Variants in VPS13B observed in about 807,000 individuals in gnomAD.
VPS13B encodes intermembrane lipid transfer protein VPS13B.
In VPS13B, 285 loss-of-function variants were observed where a neutral mutation model predicts 426.4. The ratio of observed to expected loss-of-function variants is 0.67; its 90% CI spans 0.61 to 0.74. VPS13B has a LOEUF of 0.74. Among genes scored for constraint, VPS13B ranks in the 30% least tolerant of loss-of-function variants. VPS13B has a pLI of 0.00. For synonymous variants in VPS13B, 1,676 were observed against 1,676.4 expected (o/e 1.00, Z 0.01); for missense variants, 4,537 against 4,782.6 (o/e 0.95, Z 1.51).
intron 17 of VPS13B, among the ~76,000 whole-genome samples, chr8:99,214,415 G>C (rs761412691): frequency 4.6e-5 from 7 of 152,060 alleles, no homozygotes; most frequent in Non-Finnish European, 7.4e-5. Flanking sequence ...CTTTTTATCT[G>C]TAGAGAACTT....
chr8:99,821,346 C>T lies in VPS13B; in HGVS notation c.9047C>T (p.Ser3016Leu). The T allele has an allele frequency of 6.2e-7, 1 of 1,613,742 alleles. No homozygotes were observed. Among genetic ancestry groups the T allele is most frequent in the African/African-American group, 1.3e-5 (1 of 74,998 alleles). ...GCAAATACAAACACTGTGCACAAGT[C>T]AGTAGCAATTAAACTGGTCCATAAC... The part of the protein sequence containing the change: ...YWANTNTVHK[S>L]VAIKLVHNLT... Residue 3016 changes from serine to leucine, a missense_variant, in exon 50 of 62, where the codon TCA (serine) becomes TTA (leucine). By Grantham distance (145) the Ser-to-Leu change is moderately radical. Transcript: ENST00000357162.
intron 19 of VPS13B, among the ~76,000 whole-genome samples, chr8:99,294,395 TG>T (rs1166211743): frequency 2.4e-5 from 2 of 83,344 alleles, no homozygotes; most frequent in Non-Finnish European, 4.6e-5. Flanking sequence ...TGTGGTGGGG[TG>T]GGGGGAGGGG....
intron 35 of VPS13B, among the ~76,000 whole-genome samples, chr8:99,678,783 A>G (rs202050863): frequency 1.3e-5 from 2 of 152,208 alleles, no homozygotes; most frequent in East Asian, 3.9e-4. Context: ...GCATTCCCCA[A>G]CCTACTATTT....
intron 21 of VPS13B, among the ~76,000 whole-genome samples, chr8:99,427,345 T>C (rs777936512): frequency 0.01 from 1,365 of 131,154 alleles, 12 homozygotes; most frequent in Non-Finnish European, 0.016. Context: ...AGTCAGGTAG[T>C]GTGATGCCTC....
At chr8:99,597,835 G>A (rs1164869074) in intron 33 of VPS13B, among the ~76,000 whole-genome samples, 1 of 151,958 alleles carries the variant, frequency 6.6e-6, no homozygotes, top group Non-Finnish European at 1.5e-5. Context: ...CTGATCAGAT[G>A]TTCTTACAGT....
chr8:99,271,240 TAC>T (rs1818587747), intron 17 of VPS13B, among the ~76,000 whole-genome samples: 1 of 142,424 alleles, frequency 7.0e-6, no homozygotes, highest in African/African-American at 2.5e-5. Context: ...CTACTACTAC[TAC>T]TACTACGATG....
At chr8:99,337,940 A>G (rs1289238507) in intron 19 of VPS13B, among the ~76,000 whole-genome samples, 1 of 152,158 alleles carries the variant, frequency 6.6e-6, no homozygotes, top group Non-Finnish European at 1.5e-5. Flanking sequence ...CAGTTATTAA[A>G]GCATCATGTG....
At chr8:99,518,091 A>C (rs1822184444) in intron 29 of VPS13B, among the ~76,000 whole-genome samples, 1 of 152,108 alleles carries the variant, frequency 6.6e-6, no homozygotes, top group East Asian at 1.9e-4. Flanking sequence ...TAACAGAAAC[A>C]GAATTCTGTT....
intron 30 of VPS13B, among the ~76,000 whole-genome samples, chr8:99,535,520 TA>T (rs1339295693): frequency 6.6e-6 from 1 of 152,220 alleles, no homozygotes; most frequent in Non-Finnish European, 1.5e-5. Context: ...AAAAGCATTC[TA>T]CATTGAGAAA....
intron 31 of VPS13B, among the ~76,000 whole-genome samples, chr8:99,571,289 A>G (rs1825460950): frequency 6.6e-6 from 1 of 151,710 alleles, no homozygotes; most frequent in Non-Finnish European, 1.5e-5. Flanking sequence ...TTAATTCTTA[A>G]TTGTAGTTAT....
intron 3 of VPS13B, among the ~76,000 whole-genome samples, chr8:99,080,032 T>G (rs1242634837): frequency 6.6e-6 from 1 of 150,660 alleles, no homozygotes; most frequent in East Asian, 1.9e-4. Flanking sequence ...AAATATATAC[T>G]TGTGTATTAT....
chr8:99,098,512 C>G lies in VPS13B; in HGVS notation c.412+2080C>G, dbSNP rs576816460. Among the ~76,000 whole-genome samples the G allele has an allele frequency of 9.8e-4, 149 of 152,086 alleles. 1 individual carries two copies. Among genetic ancestry groups the G allele is most frequent in the Middle Eastern group, 3.4e-3 (1 of 294 alleles). ...ATAACTCTTCTACAGTTTATTTAAC[C>G]AGTCCTTTTTTTGGTTTGATATTTA... On this transcript the variant is annotated intron_variant, in intron 4 of 61. Coordinates refer to ENST00000357162, the MANE Select transcript of VPS13B (RefSeq NM_152564.5).
chr8:99,272,698 C>T (rs1175657969), intron 17 of VPS13B, among the ~76,000 whole-genome samples: 1 of 152,122 alleles, frequency 6.6e-6, no homozygotes, highest in Non-Finnish European at 1.5e-5. Context: ...ACCTTCTGTG[C>T]TTTTATATCC....
chr8:99,124,266 A>G (rs1848082603), intron 8 of VPS13B, among the ~76,000 whole-genome samples: 1 of 152,224 alleles, frequency 6.6e-6, no homozygotes, highest in Non-Finnish European at 1.5e-5. Context: ...CAGTGATATG[A>G]CACTGTTAGA....
chr8:99,136,020 T>C (rs1474878084), intron 11 of VPS13B, among the ~76,000 whole-genome samples: 1 of 152,098 alleles, frequency 6.6e-6, no homozygotes, highest in Non-Finnish European at 1.5e-5. Flanking sequence ...TTACTTTTAA[T>C]GTGTGGGATT....
intron 31 of VPS13B, among the ~76,000 whole-genome samples, chr8:99,559,701 A>G (rs1475119623): frequency 6.6e-6 from 1 of 152,172 alleles, no homozygotes; most frequent in African/African-American, 2.4e-5. Flanking sequence ...AGGTTTGTCA[A>G]AGATCAGATG....
chr8:99,834,946 GA>G lies in VPS13B; in HGVS notation c.9615-248del, dbSNP rs573055546. 2.4e-3 allele frequency among the ~76,000 whole-genome samples: 362 copies of G among 152,288 alleles called. 4 individuals are homozygous for G. The highest frequency in any genetic ancestry group is 8.4e-3 in the African/African-American group (348 of 41,556). The stretch of plus-strand genomic sequence containing the variant: ...GCATGGGGGAAGAAAAGAACAACAG[GA>G]AATATTAGCACAAGGTTAGCTATAG... On this transcript the variant is annotated intron_variant, in intron 52 of 61. Coordinates refer to ENST00000357162, the MANE Select transcript of VPS13B (RefSeq NM_152564.5).
chr8:99,571,331 T>G (rs1825463245), intron 31 of VPS13B, among the ~76,000 whole-genome samples: 1 of 152,200 alleles, frequency 6.6e-6, no homozygotes, highest in South Asian at 2.1e-4. Flanking sequence ...TCTTTTGAAT[T>G]TATTCCTGAA....
chr8:99,335,262 G>C (rs939834852), intron 19 of VPS13B, among the ~76,000 whole-genome samples: 6 of 151,738 alleles, frequency 4.0e-5, no homozygotes, highest in Admixed American at 3.9e-4. Flanking sequence ...TTCTTTATTA[G>C]TCTTGCTAGC....
Sources: gnomAD v4.1 joint callset for allele counts (sites outside exome capture counted in the v4.1 genomes callset) on GRCh38, gnomAD v4.1.1 for gene constraint, MANE v1.5 for transcripts, NCBI Gene and HGNC (gene_info 2026-07-23, HGNC 2026-07-21) for gene names.